Variants in PRKCE observed in about 807,000 individuals in gnomAD.
The protein encoded by PRKCE is protein kinase C epsilon type.
A neutral mutation model predicts 85.4 loss-of-function variants in PRKCE; 16 were observed. That is an observed-to-expected ratio of 0.19 (90% CI 0.13 to 0.28). The LOEUF is 0.28. Among genes scored for constraint, PRKCE ranks in the 10% least tolerant of loss-of-function variants. PRKCE has a pLI of 1.00. For missense variants in PRKCE, 573 were observed against 975.2 expected, an observed-to-expected ratio of 0.59 and a Z score of 5.49; for synonymous variants, 388 against 371.5, an observed-to-expected ratio of 1.04 and a Z score of -0.51.
intron 1 of PRKCE, among the ~76,000 whole-genome samples, chr2:45,785,336 C>G (rs1166136809): frequency 1.3e-5 from 2 of 152,012 alleles, no homozygotes; most frequent in African/African-American, 4.8e-5. Flanking sequence ...ACTAAAATTA[C>G]AAAAATTAGC....
intron 2 of PRKCE, among the ~76,000 whole-genome samples, chr2:45,931,066 A>T (rs772828517): frequency 1.3e-5 from 2 of 152,200 alleles, no homozygotes; most frequent in Non-Finnish European, 1.5e-5. Context: ...TCAGGTTGCA[A>T]AGCAGAGGCC....
intron 10 of PRKCE, chr2:46,078,233 C>T (rs1299973523): frequency 6.6e-6 from 1 of 151,942 alleles, no homozygotes; most frequent in Non-Finnish European, 1.5e-5. Context: ...TTTACAACTC[C>T]AGAAACTTCC....
At chr2:45,720,188 G>A (rs778085046) in intron 1 of PRKCE, among the ~76,000 whole-genome samples, 7 of 152,164 alleles carry the variant, frequency 4.6e-5, no homozygotes, top group Non-Finnish European at 8.8e-5. Flanking sequence ...GGTGCAGTAG[G>A]TGAGGGAAAC....
At chr2:45,741,716 G>A (rs564471239) in intron 1 of PRKCE, among the ~76,000 whole-genome samples, 1 of 151,288 alleles carries the variant, frequency 6.6e-6, no homozygotes, top group East Asian at 1.9e-4. Flanking sequence ...GGAAGGGAAG[G>A]TTCAAGGGGT....
intron 10 of PRKCE, among the ~76,000 whole-genome samples, chr2:46,080,012 G>A (rs1668922788): frequency 6.6e-6 from 1 of 152,166 alleles, no homozygotes; most frequent in African/African-American, 2.4e-5. Flanking sequence ...TGAGATTAAG[G>A]GAGGAGGAGG....
At chr2:45,761,999 C>T (rs1684547505) in intron 1 of PRKCE, among the ~76,000 whole-genome samples, 1 of 152,166 alleles carries the variant, frequency 6.6e-6, no homozygotes, top group Non-Finnish European at 1.5e-5. Flanking sequence ...GATGAGGGGT[C>T]CCTCCCAACC....
At chr2:45,745,004 T>A (rs1683025288) in intron 1 of PRKCE, among the ~76,000 whole-genome samples, 1 of 152,216 alleles carries the variant, frequency 6.6e-6, no homozygotes, top group Admixed American at 6.5e-5. Context: ...ATGACTCTGA[T>A]ATGCCCTCTG....
intron 12 of PRKCE, among the ~76,000 whole-genome samples, chr2:46,150,826 C>G (rs1389232191): frequency 1.3e-5 from 2 of 152,194 alleles, no homozygotes; most frequent in African/African-American, 2.4e-5. Flanking sequence ...GACAGACTGT[C>G]GATGTTGACT....
At chr2:45,861,149 C>G (rs1693125039) in intron 2 of PRKCE, among the ~76,000 whole-genome samples, 1 of 152,142 alleles carries the variant, frequency 6.6e-6, no homozygotes, top group South Asian at 2.1e-4. Flanking sequence ...GCTGGGAAAA[C>G]AGCAGGCTGA....
chr2:45,734,062 C>T (rs1209370263), intron 1 of PRKCE, among the ~76,000 whole-genome samples: 1 of 152,140 alleles, frequency 6.6e-6, no homozygotes, highest in Non-Finnish European at 1.5e-5. Context: ...GAAGTGCAGT[C>T]CAGTGGAAAA....
intron 2 of PRKCE, among the ~76,000 whole-genome samples, chr2:45,914,507 G>A (rs944526141): frequency 2.6e-5 from 4 of 152,290 alleles, no homozygotes; most frequent in South Asian, 4.1e-4. Flanking sequence ...GTGCGAGACT[G>A]ATAACTATTT....
At chr2:45,788,179 T>C (rs180866978) in intron 1 of PRKCE, among the ~76,000 whole-genome samples, 8 of 152,360 alleles carry the variant, frequency 5.3e-5, no homozygotes, top group African/African-American at 1.9e-4. Context: ...TGGGTTGTTC[T>C]GGGTGACTGC....
At chr2:45,655,494 T>A (rs1484055723) in intron 1 of PRKCE, among the ~76,000 whole-genome samples, 1 of 152,112 alleles carries the variant, frequency 6.6e-6, no homozygotes, top group Non-Finnish European at 1.5e-5. Context: ...GCAATTAGGT[T>A]CCACACAGGT....
In PRKCE at chr2:46,098,774, A is replaced by G. The variant is rs141393358; in HGVS notation, c.1592+12412A>G. On this transcript the variant is annotated intron_variant, in intron 11 of 14. Coordinates refer to ENST00000306156, the MANE Select transcript of PRKCE (RefSeq NM_005400.3). ...TTTCTTCAATGCCTTTGGCTATTGAATCATTAGATTGAGCTACTAAAAATG... is the reference window on the plus strand; with the variant it reads ...TTTCTTCAATGCCTTTGGCTATTGAGTCATTAGATTGAGCTACTAAAAATG... Among the ~76,000 whole-genome samples, 90 of 152,282 alleles carry G rather than the reference A, an allele frequency of 5.9e-4. No individual in the cohort carries two copies. The Middle Eastern group carries it at 0.017, about 29-fold the overall frequency.
chr2:45,745,254 G>C (rs898342281), intron 1 of PRKCE, among the ~76,000 whole-genome samples: 4 of 152,166 alleles, frequency 2.6e-5, no homozygotes, highest in African/African-American at 9.7e-5. Context: ...GAGAGCAAGT[G>C]CCTGGTGGGG....
At chr2:45,837,021 G>A (rs1447514439) in intron 1 of PRKCE, among the ~76,000 whole-genome samples, 2 of 152,230 alleles carry the variant, frequency 1.3e-5, no homozygotes, top group African/African-American at 2.4e-5. Context: ...CTATGGTTAG[G>A]AAGCTTGACT....
chr2:46,086,076 C>G (rs1012644851), intron 10 of PRKCE, 132 bp from the exon 11 acceptor site: 9 of 881,978 alleles, frequency 1.0e-5, no homozygotes, highest in Non-Finnish European at 1.6e-5. Flanking sequence ...TCAGGTGCTA[C>G]CAGGATTCAC....
At chr2:45,830,918 C>A (rs1373121113) in intron 1 of PRKCE, among the ~76,000 whole-genome samples, 1 of 152,136 alleles carries the variant, frequency 6.6e-6, no homozygotes, top group Non-Finnish European at 1.5e-5. Flanking sequence ...ACTGTCCTAG[C>A]AAAAACAAGG....
chr2:46,084,595 G>A (rs1438287041), intron 10 of PRKCE, among the ~76,000 whole-genome samples: 1 of 151,880 alleles, frequency 6.6e-6, no homozygotes, highest in Non-Finnish European at 1.5e-5. Flanking sequence ...GGTGGTGTGT[G>A]TCTGTAATCC....
Sources: gnomAD v4.1 joint callset for allele counts (sites outside exome capture counted in the v4.1 genomes callset) on GRCh38, gnomAD v4.1.1 for gene constraint, MANE v1.5 for transcripts, NCBI Gene and HGNC (gene_info 2026-07-23, HGNC 2026-07-21) for gene names.